Variants in PARN observed in about 807,000 individuals in gnomAD.
The protein encoded by PARN is poly(A)-specific ribonuclease PARN.
A neutral mutation model predicts 102.8 loss-of-function variants in PARN; 71 were observed. The ratio of observed to expected loss-of-function variants is 0.69; its 90% CI spans 0.57 to 0.84. PARN has a LOEUF of 0.84. Ranked by LOEUF, PARN falls within the 40% of genes least tolerant of loss-of-function variation. PARN has a pLI of 0.00. For synonymous variants in PARN, 261 were observed against 252.9 expected (o/e 1.03, Z -0.30); for missense variants, 782 against 760.9 (o/e 1.03, Z -0.33).
rs776536192 is a variant in PARN at position 14,609,060 on chromosome 16, G to A, written c.618C>T (p.Thr206=). 2.4e-5 allele frequency: 37 copies of A among 1,562,078 alleles called. No individual in the cohort carries two copies. Among genetic ancestry groups the A allele is most frequent in the African/African-American group, 6.8e-5 (5 of 73,848 alleles). The change falls in exon 8 of 24, where the codon ACC becomes ACT. Residue 206 remains threonine, a splice_region_variant and synonymous_variant. Transcript: ENST00000437198. The part of the protein sequence containing the change: ...ENKNLDLEPC[T]GFQRKLIYQT... ...CAGAAATGTTCAGGACAACTAACCCGGTACATGGCTCTAAATCCAAGTTCT... is the reference window on the plus strand; with the variant it reads ...CAGAAATGTTCAGGACAACTAACCCAGTACATGGCTCTAAATCCAAGTTCT...
At chr16:14,475,787 T>C (rs1963011147) in intron 22 of PARN, among the ~76,000 whole-genome samples, 1 of 152,260 alleles carries the variant, frequency 6.6e-6, no homozygotes, top group Non-Finnish European at 1.5e-5. Flanking sequence ...TTTCTAATTA[T>C]GGATGCCTGA....
intron 9 of PARN, among the ~76,000 whole-genome samples, chr16:14,607,453 C>G (rs1352640828): frequency 2.0e-5 from 3 of 152,092 alleles, no homozygotes; most frequent in African/African-American, 7.2e-5. Context: ...GGTGATCTGC[C>G]CACCTCGGCC....
intron 18 of PARN, among the ~76,000 whole-genome samples, chr16:14,569,874 G>A (rs1351295201): frequency 6.6e-6 from 1 of 152,014 alleles, no homozygotes; most frequent in Non-Finnish European, 1.5e-5. Context: ...TATTGTGAAT[G>A]TAATTAATGC....
chr16:14,612,886 C>G lies in PARN; in HGVS notation c.389-2077G>C, dbSNP rs149272385. ...TGCTGAGATTACAGGCGTGAGCCAC[C>G]GCGCCCTACCACGGACATGTTAAAT... On this transcript the variant is annotated intron_variant, in intron 6 of 23. Transcript: ENST00000437198. 2.0e-4 allele frequency among the ~76,000 whole-genome samples: 30 copies of G among 151,764 alleles called. No homozygotes were observed. The South Asian group carries it at 3.2e-3, about 16-fold the overall frequency.
At chr16:14,529,062 C>T (rs142334745) in intron 21 of PARN, among the ~76,000 whole-genome samples, 1 of 152,148 alleles carries the variant, frequency 6.6e-6, no homozygotes, top group South Asian at 2.1e-4. Context: ...CAGACATCTT[C>T]GCCCTGACTC....
At chr16:14,487,232 CTT>C (rs1211206864) in intron 21 of PARN, among the ~76,000 whole-genome samples, 1 of 152,214 alleles carries the variant, frequency 6.6e-6, no homozygotes, top group African/African-American at 2.4e-5. Context: ...TGCCTGAGGT[CTT>C]GTAGGTAAGC....
At chr16:14,610,874 A>G in intron 6 of PARN, 65 bp from the exon 7 acceptor site, 1 of 1,112,546 alleles carries the variant, frequency 9.0e-7, no homozygotes, top group South Asian at 1.4e-5. Context: ...TTTGTTTAAC[A>G]AACCAAAGAG....
chr16:14,611,280 G>A (rs1971505442), intron 6 of PARN, among the ~76,000 whole-genome samples: 1 of 152,200 alleles, frequency 6.6e-6, no homozygotes, highest in Non-Finnish European at 1.5e-5. Flanking sequence ...CAGATGTCAT[G>A]AGCAAAAATG....
chr16:14,527,933 G>A (rs888933810), intron 21 of PARN, among the ~76,000 whole-genome samples: 1 of 152,192 alleles, frequency 6.6e-6, no homozygotes, highest in African/African-American at 2.4e-5. Flanking sequence ...CTTCAGCTTT[G>A]GCTGGAAGCA....
In PARN at chr16:14,497,852, G is replaced by A. The variant is rs574608460; in HGVS notation, c.1481-15025C>T. Among the ~76,000 whole-genome samples the A allele has an allele frequency of 7.9e-5, 12 of 152,190 alleles. No homozygotes were observed. In the East Asian group the frequency reaches 1.4e-3, roughly 17 times the overall value. On this transcript the variant is annotated intron_variant, in intron 21 of 23. Coordinates refer to ENST00000437198, the MANE Select transcript of PARN (RefSeq NM_002582.4). ...ATAAAAGAATTTACTGGCCGGGTGCGGTGGCTCACACCTGTAACCCCAGTA... is the reference window on the plus strand; with the variant it reads ...ATAAAAGAATTTACTGGCCGGGTGCAGTGGCTCACACCTGTAACCCCAGTA...
chr16:14,628,817 T>C (rs952254714), intron 2 of PARN, among the ~76,000 whole-genome samples: 1 of 152,232 alleles, frequency 6.6e-6, no homozygotes, highest in Non-Finnish European at 1.5e-5. Context: ...ACAGCAAAAA[T>C]GGATATCCAT....
At chr16:14,594,033 C>T (rs996931051) in intron 12 of PARN, among the ~76,000 whole-genome samples, 9 of 152,074 alleles carry the variant, frequency 5.9e-5, no homozygotes, top group Non-Finnish European at 1.0e-4. Flanking sequence ...CGTTGACTCC[C>T]TTAAACTGTC....
intron 1 of PARN, 131 bp from the exon 2 acceptor site, chr16:14,629,805 C>T (rs1485238763): frequency 1.4e-6 from 1 of 737,862 alleles, no homozygotes; most frequent in Non-Finnish European, 2.3e-6. Context: ...TGCACCGGGG[C>T]GAGGGGAATC....
At chr16:14,554,880 G>A (rs1967562004) in intron 19 of PARN, among the ~76,000 whole-genome samples, 1 of 151,906 alleles carries the variant, frequency 6.6e-6, no homozygotes, top group Non-Finnish European at 1.5e-5. Flanking sequence ...TAATTGTTAA[G>A]TAAGGCAATC....
intron 21 of PARN, among the ~76,000 whole-genome samples, chr16:14,539,452 TC>T (rs1966757016): frequency 6.6e-6 from 1 of 152,104 alleles, no homozygotes; most frequent in Non-Finnish European, 1.5e-5. Flanking sequence ...TTAGGGAGAG[TC>T]CAAGTTATTG....
At chr16:14,493,721 G>C (rs1486546378) in intron 21 of PARN, among the ~76,000 whole-genome samples, 1 of 152,216 alleles carries the variant, frequency 6.6e-6, no homozygotes, top group Non-Finnish European at 1.5e-5. Context: ...ATAAATACAA[G>C]CTATTAACAG....
intron 18 of PARN, among the ~76,000 whole-genome samples, chr16:14,574,210 T>C (rs1968978378): frequency 6.6e-6 from 1 of 152,236 alleles, no homozygotes; most frequent in Non-Finnish European, 1.5e-5. Flanking sequence ...ACCCTTGTTA[T>C]GTTTTAGCAG....
At chr16:14,598,845 C>T (rs1039931776) in intron 12 of PARN, among the ~76,000 whole-genome samples, 9 of 152,002 alleles carry the variant, frequency 5.9e-5, no homozygotes, top group African/African-American at 2.2e-4. Flanking sequence ...GTTTCTATGG[C>T]CTTAAAGCTT....
chr16:14,537,638 A>G (rs927249059), intron 21 of PARN, among the ~76,000 whole-genome samples: 1 of 152,246 alleles, frequency 6.6e-6, no homozygotes, highest in African/African-American at 2.4e-5. Context: ...ATGGCAACAC[A>G]GATGAGCCTA....
Sources: allele counts gnomAD v4.1 joint callset (sites outside exome capture counted in the v4.1 genomes callset), GRCh38; gene constraint gnomAD v4.1.1; transcripts MANE v1.5; gene names NCBI Gene and HGNC (gene_info 2026-07-23, HGNC 2026-07-21).